Variants in THSD4 observed in about 807,000 individuals in gnomAD.
The protein encoded by THSD4 is thrombospondin type-1 domain-containing protein 4.
In THSD4, 69 loss-of-function variants were observed where a neutral mutation model predicts 119.0. That is an observed-to-expected ratio of 0.58 (90% CI 0.48 to 0.71). THSD4 has a LOEUF of 0.71. THSD4 is among the 30% of genes least tolerant of loss of function. The pLI, the probability that THSD4 is intolerant of heterozygous loss-of-function variation, is 0.00. For missense variants in THSD4, 1,393 were observed against 1,391.1 expected (o/e 1.00, Z -0.02); for synonymous variants, 524 against 540.4 (o/e 0.97, Z 0.42).
At chr15:71,494,631 A>C (rs4238438) in intron 7 of THSD4, among the ~76,000 whole-genome samples, 143,159 of 151,604 alleles carry the variant, frequency 0.94, 67,796 homozygotes, top group East Asian at 1. Context: ...TTTTTCTTTT[A>C]AGTTCTGTTT....
chr15:71,369,076 GCTCT>G (rs1261335854), intron 6 of THSD4, among the ~76,000 whole-genome samples: 3 of 151,950 alleles, frequency 2.0e-5, no homozygotes, highest in Non-Finnish European at 2.9e-5. Flanking sequence ...TCATGATTTG[GCTCT>G]CTGTCTGTTA....
upstream of THSD4, chr15:71,111,199 G>A (rs528851881): frequency 3.1e-6 from 5 of 1,613,292 alleles, no homozygotes; most frequent in East Asian, 8.9e-5. Flanking sequence ...GAGAGCAAGT[G>A]TGAAGCAGAA....
intron 3 of THSD4, among the ~76,000 whole-genome samples, chr15:71,158,299 A>G (rs1033169035): frequency 6.6e-6 from 1 of 151,884 alleles, no homozygotes; most frequent in African/African-American, 2.4e-5. Context: ...GATTACAGGC[A>G]TGCGCCACCA....
chr15:71,206,855 A>C (rs1309643999), intron 3 of THSD4, among the ~76,000 whole-genome samples: 1 of 152,204 alleles, frequency 6.6e-6, no homozygotes, highest in Non-Finnish European at 1.5e-5. Context: ...TTGAGCAAGC[A>C]ATATTGTAAC....
At chr15:71,341,037 CCTCT>C (rs1259151204) in intron 6 of THSD4, 2 of 689,134 alleles carry the variant, frequency 2.9e-6, no homozygotes, top group Non-Finnish European at 4.9e-6. Context: ...TCTTGCATTT[CCTCT>C]CTCTCCCATT....
Position 71,609,382 on chromosome 15 carries a change from GCAT to G in THSD4, c.1153-51146_1153-51144del, listed in dbSNP as rs2050175952. Among the ~76,000 whole-genome samples, 3 of 152,266 alleles carry G rather than the reference GCAT, an allele frequency of 2.0e-5. No homozygotes were observed. The South Asian group carries it at 6.2e-4, about 32-fold the overall frequency. ...GCTCAGCCCTGTCCCTGATTCCTCA[GCAT>G]CTCTTCAGGTTTTGTTCAGACCTGA... On this transcript the variant is annotated intron_variant, in intron 7 of 17. Transcript: ENST00000261862.
chr15:71,349,570 G>A (rs977303300), intron 6 of THSD4, among the ~76,000 whole-genome samples: 1 of 152,126 alleles, frequency 6.6e-6, no homozygotes, highest in African/African-American at 2.4e-5. Flanking sequence ...TGAGAAGCCT[G>A]TATTTTCCCT....
chr15:71,447,523 C>G (rs1217169576), intron 7 of THSD4, among the ~76,000 whole-genome samples: 1 of 152,188 alleles, frequency 6.6e-6, no homozygotes, highest in Non-Finnish European at 1.5e-5. Flanking sequence ...CCTTTTGATG[C>G]CTTCTGACAA....
chr15:71,199,893 A>ATG (rs1567155087), intron 3 of THSD4, among the ~76,000 whole-genome samples: 2 of 29,734 alleles, frequency 6.7e-5, no homozygotes, highest in Non-Finnish European at 2.4e-4. Flanking sequence ...CATGTGTGGT[A>ATG]TGTGTGTGTG....
intron 8 of THSD4, among the ~76,000 whole-genome samples, chr15:71,690,666 A>G (rs1245710678): frequency 6.6e-6 from 1 of 152,238 alleles, no homozygotes; most frequent in Non-Finnish European, 1.5e-5. Flanking sequence ...TTACAGTTTC[A>G]TGTGGTTGGG....
At chr15:71,611,940 G>T (rs2050238280) in intron 7 of THSD4, among the ~76,000 whole-genome samples, 1 of 152,338 alleles carries the variant, frequency 6.6e-6, no homozygotes, top group East Asian at 1.9e-4. Context: ...AATTGGGCAG[G>T]GATGAGGTCT....
At chr15:71,294,784 A>G (rs940883679) in intron 6 of THSD4, among the ~76,000 whole-genome samples, 2 of 152,114 alleles carry the variant, frequency 1.3e-5, no homozygotes, top group Non-Finnish European at 2.9e-5. Flanking sequence ...TTCTACTAAG[A>G]TATGTTACAG....
chr15:71,141,631 T>A, intron 2 of THSD4, 75 bp downstream of exon 2: 1 of 1,476,574 alleles, frequency 6.8e-7, no homozygotes, highest in Non-Finnish European at 9.2e-7. Context: ...TGTCATTTCT[T>A]AAAGTAAGTG....
At chr15:71,250,741 G>T (rs1351405429) in intron 5 of THSD4, among the ~76,000 whole-genome samples, 1 of 152,100 alleles carries the variant, frequency 6.6e-6, no homozygotes, top group East Asian at 1.9e-4. Flanking sequence ...GCAGTCATAA[G>T]TAAGCACTCT....
intron 8 of THSD4, among the ~76,000 whole-genome samples, chr15:71,717,095 T>A (rs1416352645): frequency 6.6e-6 from 1 of 152,230 alleles, no homozygotes; most frequent in African/African-American, 2.4e-5. Context: ...AAGATACTTT[T>A]CCTCTTCCTA....
At chr15:71,578,195 C>A (rs952214616) in intron 7 of THSD4, among the ~76,000 whole-genome samples, 1 of 149,126 alleles carries the variant, frequency 6.7e-6, no homozygotes, top group Non-Finnish European at 1.5e-5. Context: ...TATATATACA[C>A]ACAATTGATA....
intron 11 of THSD4, among the ~76,000 whole-genome samples, chr15:71,743,032 G>C (rs2053265731): frequency 6.6e-6 from 1 of 150,438 alleles, no homozygotes; most frequent in African/African-American, 2.4e-5. Context: ...TCCAGCCTGG[G>C]TGACAGAGCT....
chr15:71,393,135 CAG>C (rs1376667481), intron 6 of THSD4, among the ~76,000 whole-genome samples: 2 of 151,846 alleles, frequency 1.3e-5, no homozygotes, highest in African/African-American at 4.8e-5. Context: ...CAAGCTTACT[CAG>C]GGGGATTATG....
At chr15:71,768,972 C>G (rs1417322549) in intron 16 of THSD4, among the ~76,000 whole-genome samples, 2 of 102,392 alleles carry the variant, frequency 2.0e-5, no homozygotes, top group African/African-American at 8.1e-5. Flanking sequence ...GGGGGGTCGG[C>G]CCCCCGCCCG....
Sources: allele counts gnomAD v4.1 joint callset (sites outside exome capture counted in the v4.1 genomes callset), GRCh38; gene constraint gnomAD v4.1.1; transcripts MANE v1.5; gene names NCBI Gene and HGNC (gene_info 2026-07-23, HGNC 2026-07-21).